Variants in CCDC63 observed in about 807,000 individuals in gnomAD.
CCDC63 encodes coiled-coil domain containing 63.
In CCDC63, 54 loss-of-function variants were observed where a neutral mutation model predicts 63.6. That is an observed-to-expected ratio of 0.85 (90% CI 0.68 to 1.07). The LOEUF (loss-of-function observed/expected upper bound fraction) is 1.07. Ranked by LOEUF, CCDC63 falls within the 50% of genes least tolerant of loss-of-function variation. The pLI is 0.00. For synonymous variants in CCDC63, 253 were observed against 266.1 expected (o/e 0.95, Z 0.48); for missense variants, 637 against 689.6 (o/e 0.92, Z 0.86).
rs1182289006 is a variant in CCDC63 at position 110,851,328 on chromosome 12, T to C, written c.-96-1531T>C. On this transcript the variant is annotated intron_variant, in intron 1 of 11. Transcript: ENST00000308208. ...TTTGTCTTCTCTCCTCCATTTTAGC[T>C]TGGTTCTCAGCCTCTTGCAGAGGCG... Among the ~76,000 whole-genome samples, 18 of 152,206 alleles carry C rather than the reference T, an allele frequency of 1.2e-4. 1 individual carries two copies.
At chr12:110,874,971 C>T (rs117160667) in intron 5 of CCDC63, among the ~76,000 whole-genome samples, 4,524 of 152,236 alleles carry the variant, frequency 0.03, 84 homozygotes, top group Middle Eastern at 0.048. Context: ...AACTGTAGCT[C>T]CCACATGAGC....
chr12:110,845,803 AGGCTGGAGTGAGTGTGATCTTGGCTCAC>A (rs2070630408), upstream of CCDC63: 1 of 148,670 alleles, frequency 6.7e-6, no homozygotes, highest in Admixed American at 6.8e-5. Flanking sequence ...TCTGTCACCC[AGGCTGGAGTGAGTGTGATCTTGGCTCAC>A]GGCAACCTTT....
chr12:110,893,035 A>C, intron 8 of CCDC63, 41 bp from the exon 9 acceptor site: 10 of 1,540,516 alleles, frequency 6.5e-6, no homozygotes, highest in African/African-American at 1.4e-5. Flanking sequence ...TGGGGAGGGA[A>C]GAGCCCACTT....
chr12:110,864,916 G>A (rs2070921638), intron 4 of CCDC63, among the ~76,000 whole-genome samples: 1 of 152,126 alleles, frequency 6.6e-6, no homozygotes, highest in Non-Finnish European at 1.5e-5. Context: ...GCTATGTTGG[G>A]TGTTATCCTT....
intron 5 of CCDC63, 142 bp downstream of exon 5, chr12:110,874,103 C>A: frequency 8.8e-7 from 1 of 1,133,824 alleles, no homozygotes; most frequent in Non-Finnish European, 1.2e-6. Context: ...GCCACACAGG[C>A]CAGGAAGCCT....
At chr12:110,849,774 C>T (rs142007101) in intron 1 of CCDC63, among the ~76,000 whole-genome samples, 2,362 of 152,236 alleles carry the variant, frequency 0.016, 56 homozygotes, top group African/African-American at 0.055. Context: ...GCTGGGATTA[C>T]AGGCATGAGC....
intron 4 of CCDC63, among the ~76,000 whole-genome samples, chr12:110,867,679 CG>C (rs1228694485): frequency 3.0e-5 from 3 of 100,252 alleles, no homozygotes; most frequent in Admixed American, 9.8e-5. Flanking sequence ...ACCTCCCAGA[CG>C]GGGCGGCTGG....
chr12:110,846,202 G>T (rs1279078820), upstream of CCDC63, among the ~76,000 whole-genome samples: 1 of 152,178 alleles, frequency 6.6e-6, no homozygotes, highest in East Asian at 1.9e-4. Flanking sequence ...CACTCAGGGG[G>T]CTAGGAGTTA....
At chr12:110,864,148 C>T (rs755031819) in intron 4 of CCDC63, among the ~76,000 whole-genome samples, 1 of 152,208 alleles carries the variant, frequency 6.6e-6, no homozygotes, top group African/African-American at 2.4e-5. Context: ...TTGAGTAGAC[C>T]AGGGGTAGCA....
At chr12:110,876,526 A>G (rs1372750004) in intron 5 of CCDC63, among the ~76,000 whole-genome samples, 1 of 152,120 alleles carries the variant, frequency 6.6e-6, no homozygotes, top group South Asian at 2.1e-4. Context: ...CCTGAGAGTG[A>G]GTGCCTCCTT....
chr12:110,856,092 T>C (rs1452457040), intron 3 of CCDC63, among the ~76,000 whole-genome samples: 2 of 150,462 alleles, frequency 1.3e-5, no homozygotes, highest in Non-Finnish European at 3.0e-5. Context: ...TTTTTCTTTT[T>C]TTTTTTTTTT....
At chr12:110,885,190 AAGAG>A (rs202051532) in intron 8 of CCDC63, among the ~76,000 whole-genome samples, 14,376 of 150,484 alleles carry the variant, frequency 0.096, 821 homozygotes, top group South Asian at 0.16. Flanking sequence ...AAAAAAAAAA[AAGAG>A]AGAGAGAGAA....
rs1378842355 is a variant in CCDC63 at position 110,907,453 on chromosome 12, T to C, written c.1669T>C (p.Ser557Pro). The change falls in exon 12 of 12, where the codon TCC becomes CCC. Residue 557 changes from serine (S) to proline (P), a missense_variant. Coordinates refer to ENST00000308208, the MANE Select transcript of CCDC63 (RefSeq NM_152591.3). This position sits in a 1 kb window ranked among gnomAD's most constrained non-coding sequence, Gnocchi z 4.4. ...GCCTGAGAAGGTGGATGACTTCAGA[T>C]CCAGGAAGAAAGTAACCATGTGAGG... ...SLPEKVDDFRSRKKVTM is the reference protein window; with the variant it reads ...SLPEKVDDFRPRKKVTM 1 of 1,614,136 alleles carries C rather than the reference T, an allele frequency of 6.2e-7. No individual in the cohort carries two copies. The highest frequency in any genetic ancestry group is 1.7e-5 in the Admixed American group (1 of 60,020).
At chr12:110,890,274 A>G (rs913128469) in intron 8 of CCDC63, among the ~76,000 whole-genome samples, 2 of 151,868 alleles carry the variant, frequency 1.3e-5, no homozygotes, top group African/African-American at 2.4e-5. Flanking sequence ...ACTGCACTCC[A>G]TCTGGGCAAG....
chr12:110,897,577 G>A (rs942467331), intron 9 of CCDC63, among the ~76,000 whole-genome samples: 3 of 151,958 alleles, frequency 2.0e-5, no homozygotes, highest in African/African-American at 7.2e-5. Flanking sequence ...CAGCCTGGGT[G>A]ACAGAGCAAG....
At chr12:110,884,852 ATTTTTTT>A (rs34391026) in intron 8 of CCDC63, among the ~76,000 whole-genome samples, 2 of 130,708 alleles carry the variant, frequency 1.5e-5, no homozygotes, top group Non-Finnish European at 3.2e-5. Flanking sequence ...ACGCCCTGCT[ATTTTTTT>A]TTTTTTTTTT....
At position 110,889,617 on chromosome 12, in the gene CCDC63, G is replaced by T. The variant is rs933810103; in HGVS notation, c.1075-3459G>T. On this transcript the variant is annotated intron_variant, in intron 8 of 11. Coordinates refer to ENST00000308208, the MANE Select transcript of CCDC63 (RefSeq NM_152591.3). This position sits in a 1 kb window ranked among gnomAD's most constrained non-coding sequence, Gnocchi z 4.1. ...CATGGGAGGGAGAGGGGATGAATCT[G>T]GGAGGTGAGGGCTGCTGGGCACATT... is the stretch of plus-strand genomic sequence containing the variant. Among the ~76,000 whole-genome samples the T allele has an allele frequency of 6.6e-6, 1 of 152,166 alleles. No homozygotes were observed. The highest frequency in any genetic ancestry group is 1.5e-5 in the Non-Finnish European group (1 of 68,024).
At chr12:110,904,093 C>T (rs556911784) in intron 10 of CCDC63, among the ~76,000 whole-genome samples, 15 of 152,272 alleles carry the variant, frequency 9.9e-5, no homozygotes, top group African/African-American at 3.4e-4. Flanking sequence ...CGATGGCTCA[C>T]GCCTGTAATT....
intron 5 of CCDC63, among the ~76,000 whole-genome samples, 197 bp from the exon 6 acceptor site, chr12:110,879,709 T>C (rs553576125): frequency 3.5e-4 from 53 of 152,272 alleles, no homozygotes; most frequent in African/African-American, 1.2e-3. Context: ...AAGGATCCAC[T>C]AAAGGGCCCT....
Sources: gnomAD v4.1 joint callset for allele counts (sites outside exome capture counted in the v4.1 genomes callset) on GRCh38, gnomAD v4.1.1 for gene constraint, Gnocchi (gnomAD v3.1) non-coding constraint, MANE v1.5 for transcripts, NCBI Gene and HGNC (gene_info 2026-07-23, HGNC 2026-07-21) for gene names.